Variants in HYDIN observed in about 807,000 individuals in gnomAD.
HYDIN encodes HYDIN axonemal central pair apparatus protein, also known as axonemal central pair apparatus protein HYDIN.
In HYDIN, 132 loss-of-function variants were observed where a neutral mutation model predicts 403.9. The ratio of observed to expected loss-of-function variants is 0.33; its 90% CI spans 0.28 to 0.38. HYDIN has a LOEUF of 0.38. HYDIN is among the 10% of genes least tolerant of loss of function. HYDIN has a pLI of 1.00. For synonymous variants in HYDIN, 1,202 were observed against 1,891.7 expected (o/e 0.64, Z 9.46); for missense variants, 2,827 against 5,009.5 (o/e 0.56, Z 13.15).
rs1368729633 is a variant in HYDIN at position 71,047,866 on chromosome 16, G to C, written c.2529+12638C>G. Among the ~76,000 whole-genome samples, 5 of 152,056 alleles carry C rather than the reference G, an allele frequency of 3.3e-5. No individual in the cohort carries two copies. In the South Asian group the frequency reaches 1.0e-3, roughly 32 times the overall value. On this transcript the variant is annotated intron_variant, in intron 18 of 85. Transcript: ENST00000393567. ...TTGGGTTGACAACATTCACGTTCTA[G>C]CTATTTGAAAATATACAATACAATA...
intron 73 of HYDIN, among the ~76,000 whole-genome samples, chr16:70,853,414 T>C (rs973788196): frequency 6.7e-5 from 10 of 149,924 alleles, no homozygotes; most frequent in African/African-American, 2.5e-4. Flanking sequence ...TACATGAAAG[T>C]TTATAGTAGC....
intron 23 of HYDIN, among the ~76,000 whole-genome samples, chr16:71,004,461 G>A (rs187030958): frequency 1.5e-4 from 23 of 152,244 alleles, no homozygotes; most frequent in Admixed American, 1.4e-3. Context: ...ATTTTTCCTG[G>A]ATTTATTGAG....
At chr16:71,156,187 T>C (rs1261291566) in intron 6 of HYDIN, among the ~76,000 whole-genome samples, 90 of 152,266 alleles carry the variant, frequency 5.9e-4, no homozygotes, top group African/African-American at 2.0e-3. Context: ...TAGTATCCCA[T>C]CTGTACGACC....
intron 1 of HYDIN, among the ~76,000 whole-genome samples, chr16:71,200,698 C>T (rs1268325131): frequency 6.6e-6 from 1 of 152,194 alleles, no homozygotes. Flanking sequence ...AAGAACAATA[C>T]ATGTTTTTGA....
In HYDIN at chr16:71,224,559, C is replaced by CTT. The variant is rs34595246; in HGVS notation, c.-24+6001_-24+6002dup. 8.4e-3 allele frequency among the ~76,000 whole-genome samples: 982 copies of CTT among 117,382 alleles called. 19 individuals carry two copies. The highest frequency in any genetic ancestry group is 0.025 in the African/African-American group (807 of 32,686). 77.0% of individuals were successfully genotyped at this position (117,382 alleles called of 152,430 possible). On this transcript the variant is annotated intron_variant, in intron 1 of 85. Transcript: ENST00000393567. ...TAAATTTAATTTGGCTAAGGTTTTT[C>CTT]TTTTTTTTTTTTTTTTTTTTGAGAC...
chr16:70,874,536 C>A lies in HYDIN; in HGVS notation c.10717G>T (p.Asp3573Tyr). The change falls in exon 64 of 86, where the codon GAT becomes TAT. Residue 3573 changes from aspartate to tyrosine, a missense_variant. Physicochemically the swap from Asp to Tyr is radical, Grantham distance 160. Transcript: ENST00000393567. ...ACCTTCTGGGAGTGGAAAACGACAT[C>A]AAATTCAGCTGTATCTCCAGGAGAA... is the stretch of plus-strand genomic sequence containing the variant. Reference protein sequence around the residue: ...VVSPGDTAEFDVVFHSQKVGR... With the variant: ...VVSPGDTAEFYVVFHSQKVGR... 1.7e-6 allele frequency: 1 copy of A among 587,930 alleles called. No homozygotes were observed. The highest frequency in any genetic ancestry group is 2.1e-5 in the South Asian group (1 of 47,012). 36.4% of individuals were successfully genotyped at this position (587,930 alleles called of 1,614,324 possible).
intron 13 of HYDIN, among the ~76,000 whole-genome samples, chr16:71,075,647 G>T (rs1463216502): frequency 6.6e-6 from 1 of 151,476 alleles, no homozygotes; most frequent in Non-Finnish European, 1.5e-5. Context: ...TATAGGAAAA[G>T]GAGGCGATGA....
intron 25 of HYDIN, among the ~76,000 whole-genome samples, chr16:70,989,781 T>C (rs2079286334): frequency 6.6e-6 from 1 of 152,240 alleles, no homozygotes; most frequent in South Asian, 2.1e-4. Flanking sequence ...TTCCTATATG[T>C]TGAATTTAGT....
intron 73 of HYDIN, among the ~76,000 whole-genome samples, chr16:70,853,987 C>T (rs2038847849): frequency 6.8e-6 from 1 of 146,842 alleles, no homozygotes; most frequent in Non-Finnish European, 1.5e-5. Context: ...TCAAGCGATT[C>T]TCCTGCCTCA....
At chr16:71,041,550 A>G (rs1405952776) in intron 18 of HYDIN, among the ~76,000 whole-genome samples, 1 of 151,778 alleles carries the variant, frequency 6.6e-6, no homozygotes, top group Non-Finnish European at 1.5e-5. Context: ...CTGTAGACGA[A>G]TATTCCTTAA....
chr16:70,955,727 C>G (rs944725345), intron 39 of HYDIN, among the ~76,000 whole-genome samples, 179 bp from the exon 40 acceptor site: 2 of 152,140 alleles, frequency 1.3e-5, no homozygotes, highest in Non-Finnish European at 2.9e-5. Flanking sequence ...GGAGTCAGGG[C>G]TGTGGGTCTG....
chr16:70,962,222 G>A, intron 37 of HYDIN, 84 bp from the exon 38 acceptor site: 1 of 807,956 alleles, frequency 1.2e-6, no homozygotes, highest in East Asian at 2.8e-5. Context: ...GAAAAAAAAA[G>A]ATGAAGAAGA....
In HYDIN at chr16:71,223,192, T is replaced by G. The variant is rs1369376475; in HGVS notation, c.-24+7370A>C. ...CCAAATAATTACAGCCAACTGATAT[T>G]TGACAAAGCATATAAAGACATAAAT... On this transcript the variant is annotated intron_variant, in intron 1 of 85. Coordinates refer to ENST00000393567, the MANE Select transcript of HYDIN (RefSeq NM_001270974.2). 2.6e-5 allele frequency among the ~76,000 whole-genome samples: 4 copies of G among 152,302 alleles called. No homozygotes were observed. The East Asian group carries it at 5.8e-4, about 22-fold the overall frequency.
At chr16:71,190,944 A>G (rs2144679035) in intron 1 of HYDIN, among the ~76,000 whole-genome samples, 1 of 152,282 alleles carries the variant, frequency 6.6e-6, no homozygotes, top group East Asian at 1.9e-4. Flanking sequence ...GACTCAGTTT[A>G]TTCACAATAA....
intron 73 of HYDIN, among the ~76,000 whole-genome samples, chr16:70,851,110 T>C (rs2038609808): frequency 2.8e-5 from 4 of 144,884 alleles, no homozygotes; most frequent in African/African-American, 7.8e-5. Context: ...AACACCATCG[T>C]AGACATCAGC....
intron 21 of HYDIN, among the ~76,000 whole-genome samples, chr16:71,024,787 C>G (rs1208440994): frequency 1.4e-5 from 2 of 148,068 alleles, no homozygotes; most frequent in Non-Finnish European, 3.0e-5. Flanking sequence ...CATTTACTGT[C>G]TACCCTTACG....
chr16:71,224,536 A>AATTT (rs2040943344), intron 1 of HYDIN, among the ~76,000 whole-genome samples: 2 of 151,956 alleles, frequency 1.3e-5, no homozygotes, highest in Admixed American at 1.3e-4. Flanking sequence ...AACTCTGTTA[A>AATTT]ATTTAATTTG....
chr16:71,225,050 G>A (rs1462572852), intron 1 of HYDIN, among the ~76,000 whole-genome samples: 6 of 152,184 alleles, frequency 3.9e-5, no homozygotes, highest in Admixed American at 6.5e-5. Flanking sequence ...AACAGAATAG[G>A]TGATGGTTGT....
At chr16:70,824,539 T>A (rs192733686) in intron 83 of HYDIN, among the ~76,000 whole-genome samples, 12 of 152,188 alleles carry the variant, frequency 7.9e-5, no homozygotes, top group Admixed American at 5.2e-4. Flanking sequence ...TCACTTTTTT[T>A]TTTTTTGAGA....
Sources: allele counts gnomAD v4.1 joint callset (sites outside exome capture counted in the v4.1 genomes callset), GRCh38; gene constraint gnomAD v4.1.1; transcripts MANE v1.5; gene names NCBI Gene and HGNC (gene_info 2026-07-23, HGNC 2026-07-21).